The following EPHB1 variants were observed in gnomAD, a reference collection of about 807,000 sequenced individuals.
EPHB1 encodes the protein EPH receptor B1.
A neutral mutation model predicts 94.4 loss-of-function variants in EPHB1; 30 were observed. The ratio of observed to expected loss-of-function variants is 0.32; its 90% CI spans 0.24 to 0.43. EPHB1 has a LOEUF of 0.43. Among genes scored for constraint, EPHB1 ranks in the 20% least tolerant of loss-of-function variants. The probability of loss-of-function intolerance (pLI) is 1.00; values close to 1 mark genes in which losing one functional copy is unlikely to be tolerated. For synonymous variants in EPHB1, 522 were observed against 489.1 expected, an observed-to-expected ratio of 1.07 and a Z score of -0.89; for missense variants, 1,055 against 1,308.3, an observed-to-expected ratio of 0.81 and a Z score of 2.99.
chr3:134,862,522 A>G (rs1195160961), intron 1 of EPHB1, among the ~76,000 whole-genome samples: 1 of 152,076 alleles, frequency 6.6e-6, no homozygotes, highest in Non-Finnish European at 1.5e-5. Context: ...AAGAAAAAGA[A>G]AAATACTCAA....
At chr3:135,167,385 G>C (rs1416081808) in intron 9 of EPHB1, among the ~76,000 whole-genome samples, 1 of 152,100 alleles carries the variant, frequency 6.6e-6, no homozygotes, top group African/African-American at 2.4e-5. Flanking sequence ...GAGCAGCTGG[G>C]GAATTTGTTA....
intron 1 of EPHB1, among the ~76,000 whole-genome samples, chr3:134,862,402 A>G (rs986896259): frequency 1.3e-5 from 2 of 151,898 alleles, no homozygotes; most frequent in Non-Finnish European, 2.9e-5. Flanking sequence ...ATATGATTTA[A>G]CCACAGTTCT....
intron 12 of EPHB1, among the ~76,000 whole-genome samples, chr3:135,219,120 C>T (rs183847577): frequency 3.8e-4 from 58 of 152,212 alleles, no homozygotes; most frequent in African/African-American, 1.4e-3. Context: ...TAAGCCTCAT[C>T]AGAACAGAGG....
intron 12 of EPHB1, among the ~76,000 whole-genome samples, chr3:135,236,335 T>C (rs181322911): frequency 4.5e-4 from 69 of 152,194 alleles, no homozygotes; most frequent in Admixed American, 1.2e-3. Flanking sequence ...CTTATAAGGA[T>C]GCCAGCATGA....
At position 135,046,027 on chromosome 3, in the gene EPHB1, C is replaced by T. The variant is rs553012325; in HGVS notation, c.806-60421C>T. Among the ~76,000 whole-genome samples, 9 of 152,288 alleles carry T rather than the reference C, an allele frequency of 5.9e-5. No individual in the cohort carries two copies. In the East Asian group the frequency reaches 1.7e-3, roughly 29 times the overall value. On this transcript the variant is annotated intron_variant, in intron 3 of 15. Coordinates refer to ENST00000398015, the MANE Select transcript of EPHB1 (RefSeq NM_004441.5). ...ATTTAACGAAAATAACATATTACAT[C>T]AGGCTCAGTCTGGAAGCAAAAGTGA...
chr3:135,233,819 G>A (rs1268887173), intron 12 of EPHB1, among the ~76,000 whole-genome samples: 1 of 152,212 alleles, frequency 6.6e-6, no homozygotes, highest in Non-Finnish European at 1.5e-5. Context: ...CCAACATCAT[G>A]TGGAAGCTGC....
chr3:134,911,696 G>T (rs2038458819), intron 1 of EPHB1, among the ~76,000 whole-genome samples: 1 of 152,194 alleles, frequency 6.6e-6, no homozygotes, highest in African/African-American at 2.4e-5. Context: ...GGAAGAGGAT[G>T]GCAGCAGCTG....
At chr3:135,193,889 G>A (rs1942527544) in intron 11 of EPHB1, among the ~76,000 whole-genome samples, 1 of 152,184 alleles carries the variant, frequency 6.6e-6, no homozygotes, top group Non-Finnish European at 1.5e-5. Flanking sequence ...TGCAATTTGG[G>A]CCAGGTTTGG....
chr3:135,010,907 G>T (rs904522714), intron 3 of EPHB1, among the ~76,000 whole-genome samples: 1 of 152,136 alleles, frequency 6.6e-6, no homozygotes, highest in Non-Finnish European at 1.5e-5. Flanking sequence ...CATGATGTCA[G>T]TACTGCTGCT....
intron 5 of EPHB1, among the ~76,000 whole-genome samples, chr3:135,152,204 C>G (rs1246196377): frequency 6.6e-6 from 1 of 152,076 alleles, no homozygotes; most frequent in Non-Finnish European, 1.5e-5. Context: ...AACTAGTTTC[C>G]TTAGATATTT....
chr3:135,200,374 A>G (rs1217095902), intron 11 of EPHB1, among the ~76,000 whole-genome samples: 1 of 152,174 alleles, frequency 6.6e-6, no homozygotes, highest in African/African-American at 2.4e-5. Flanking sequence ...TGCCATGAAG[A>G]GGAGCAGCAA....
At chr3:134,824,795 C>T (rs778528958) in intron 1 of EPHB1, among the ~76,000 whole-genome samples, 12 of 152,132 alleles carry the variant, frequency 7.9e-5, no homozygotes, top group Non-Finnish European at 1.2e-4. Flanking sequence ...TGTATGGGTA[C>T]TTCAATTGAC....
At chr3:135,100,490 C>T (rs1423121806) in intron 3 of EPHB1, among the ~76,000 whole-genome samples, 3 of 152,108 alleles carry the variant, frequency 2.0e-5, no homozygotes, top group South Asian at 2.1e-4. Context: ...GTGGTTATTC[C>T]CTCTTGCTTC....
intron 3 of EPHB1, among the ~76,000 whole-genome samples, chr3:134,981,144 G>A (rs771726619): frequency 6.6e-6 from 1 of 152,272 alleles, no homozygotes; most frequent in African/African-American, 2.4e-5. Context: ...GTCAAAGGTA[G>A]CCCCAAATAA....
chr3:135,214,452 G>A (rs1943096890), intron 12 of EPHB1, among the ~76,000 whole-genome samples: 1 of 152,206 alleles, frequency 6.6e-6, no homozygotes, highest in African/African-American at 2.4e-5. Flanking sequence ...TGGGACAAGG[G>A]ACAGCCTTTC....
intron 3 of EPHB1, among the ~76,000 whole-genome samples, chr3:135,045,100 A>G (rs1433304826): frequency 6.6e-6 from 1 of 152,184 alleles, no homozygotes; most frequent in Non-Finnish European, 1.5e-5. Context: ...AACTATTTTC[A>G]CAATAACACT....
At chr3:135,031,835 C>T (rs59682049) in intron 3 of EPHB1, among the ~76,000 whole-genome samples, 38,688 of 151,998 alleles carry the variant, frequency 0.25, 6,414 homozygotes, top group East Asian at 0.71. Flanking sequence ...ATACAATTAT[C>T]CTACCCTTAT....
intron 12 of EPHB1, among the ~76,000 whole-genome samples, chr3:135,215,527 C>G (rs1251019002): frequency 6.6e-6 from 1 of 152,154 alleles, no homozygotes; most frequent in African/African-American, 2.4e-5. Context: ...TCCAGTCACT[C>G]TATAACAGAA....
chr3:135,053,423 G>T (rs940224939), intron 3 of EPHB1, among the ~76,000 whole-genome samples: 5 of 152,056 alleles, frequency 3.3e-5, no homozygotes, highest in African/African-American at 4.8e-5. Flanking sequence ...AACTTTATGA[G>T]ACCTTTTGGG....
Sources: allele counts gnomAD v4.1 joint callset (sites outside exome capture counted in the v4.1 genomes callset), GRCh38; gene constraint gnomAD v4.1.1; transcripts MANE v1.5; gene names NCBI Gene and HGNC (gene_info 2026-07-23, HGNC 2026-07-21).